The following KCNAB1 variants were observed in gnomAD, a reference collection of about 807,000 sequenced individuals.
KCNAB1 encodes the protein voltage-gated potassium channel subunit beta-1.
Under a neutral mutation model 64.6 loss-of-function variants are expected in KCNAB1, and 35 were observed. That is an observed-to-expected ratio of 0.54 (90% CI 0.41 to 0.72). The LOEUF is 0.72. KCNAB1 is among the 30% of genes least tolerant of loss of function. The pLI is 0.00. For missense variants in KCNAB1, 401 were observed against 512.9 expected, an observed-to-expected ratio of 0.78 and a Z score of 2.11; for synonymous variants, 177 against 183.8, an observed-to-expected ratio of 0.96 and a Z score of 0.30.
intron 1 of KCNAB1, among the ~76,000 whole-genome samples, chr3:156,210,145 G>A (rs1160717278): frequency 1.3e-5 from 2 of 152,246 alleles, no homozygotes; most frequent in East Asian, 1.9e-4. Context: ...TGAGACTGTC[G>A]GTGAGCTGAG....
At chr3:156,385,874 G>A (rs888932580) in intron 1 of KCNAB1, among the ~76,000 whole-genome samples, 1 of 152,106 alleles carries the variant, frequency 6.6e-6, no homozygotes, top group African/African-American at 2.4e-5. Flanking sequence ...TTTTTTTAAT[G>A]TAGTTTTTCT....
chr3:156,382,875 C>T (rs750952945), intron 1 of KCNAB1, among the ~76,000 whole-genome samples: 14 of 152,224 alleles, frequency 9.2e-5, no homozygotes, highest in Non-Finnish European at 1.8e-4. Flanking sequence ...TTACATGTCG[C>T]TGAGGTGTGG....
Position 156,457,527 on chromosome 3 carries a change from T to C in KCNAB1, c.432T>C (p.Ala144=). The part of the protein sequence containing the change: ...NLFDTAEVYA[A]GKAEVILGSI... ...TTGATACTGCCGAAGTCTATGCTGC[T>C]GGAAAGTAAGTCAGTACCTGTTTGT... is the stretch of plus-strand genomic sequence containing the variant. Residue 144 remains alanine (A), a synonymous_variant, in exon 4 of 14, where the codon GCT becomes GCC. Transcript: ENST00000490337. The C allele has an allele frequency of 6.2e-7, 1 of 1,613,610 alleles. No individual in the cohort carries two copies. The highest frequency in any genetic ancestry group is 1.3e-5 in the African/African-American group (1 of 75,036).
At chr3:156,475,647 T>G (rs1404748011) in intron 8 of KCNAB1, among the ~76,000 whole-genome samples, 1 of 152,182 alleles carries the variant, frequency 6.6e-6, no homozygotes. Context: ...TTTAAAATAA[T>G]TAGAATAGTT....
At chr3:156,297,855 G>A (rs1357112368) in intron 1 of KCNAB1, among the ~76,000 whole-genome samples, 1 of 152,030 alleles carries the variant, frequency 6.6e-6, no homozygotes, top group Non-Finnish European at 1.5e-5. Flanking sequence ...GGCTGAAGAG[G>A]AGGAAAAGGA....
chr3:156,477,303 A>T (rs1714438542), intron 8 of KCNAB1, among the ~76,000 whole-genome samples: 1 of 152,192 alleles, frequency 6.6e-6, no homozygotes, highest in Non-Finnish European at 1.5e-5. Context: ...ATACAATTCC[A>T]CAAAGCGGAA....
At chr3:156,266,426 A>G (rs1341558337) in intron 1 of KCNAB1, among the ~76,000 whole-genome samples, 2 of 152,226 alleles carry the variant, frequency 1.3e-5, no homozygotes, top group African/African-American at 4.8e-5. Context: ...AGGTTGGTTT[A>G]AATCCCTTTT....
At chr3:156,450,736 T>C (rs967280634) in intron 2 of KCNAB1, among the ~76,000 whole-genome samples, 6 of 152,240 alleles carry the variant, frequency 3.9e-5, no homozygotes, top group African/African-American at 1.4e-4. Flanking sequence ...ATTTCTTCAG[T>C]CCATTAAATT....
chr3:156,516,894 C>T (rs973889377), intron 11 of KCNAB1, among the ~76,000 whole-genome samples: 1 of 152,150 alleles, frequency 6.6e-6, no homozygotes, highest in Non-Finnish European at 1.5e-5. Context: ...AGCAAAGCTT[C>T]TATCACTTAA....
At chr3:156,237,611 C>T (rs1302999889) in intron 1 of KCNAB1, among the ~76,000 whole-genome samples, 1 of 152,112 alleles carries the variant, frequency 6.6e-6, no homozygotes, top group Non-Finnish European at 1.5e-5. Context: ...TCTACTGTGT[C>T]TATTTTCTCT....
intron 1 of KCNAB1, among the ~76,000 whole-genome samples, chr3:156,125,717 T>C (rs1713615458): frequency 6.6e-6 from 1 of 152,198 alleles, no homozygotes; most frequent in African/African-American, 2.4e-5. Context: ...CAAGAAAGTG[T>C]TTACTCACAC....
intron 1 of KCNAB1, among the ~76,000 whole-genome samples, chr3:156,414,971 G>A (rs1275076661): frequency 1.3e-5 from 2 of 152,188 alleles, no homozygotes; most frequent in Non-Finnish European, 2.9e-5. Flanking sequence ...TCTCCAAAGT[G>A]CCACCTTCTT....
intron 1 of KCNAB1, among the ~76,000 whole-genome samples, chr3:156,374,045 A>G (rs763354255): frequency 4.3e-4 from 66 of 152,326 alleles, no homozygotes; most frequent in African/African-American, 1.5e-3. Context: ...CAATCTCTCT[A>G]TACCTCAGTT....
chr3:156,451,956 T>C (rs1262098885), intron 2 of KCNAB1, among the ~76,000 whole-genome samples: 2 of 152,208 alleles, frequency 1.3e-5, no homozygotes, highest in African/African-American at 4.8e-5. Context: ...ATCTGCCTTA[T>C]GTTCACCTCA....
intron 1 of KCNAB1, among the ~76,000 whole-genome samples, chr3:156,187,136 G>A (rs1283962258): frequency 6.6e-6 from 1 of 152,144 alleles, no homozygotes; most frequent in East Asian, 1.9e-4. Context: ...TTACATGCAT[G>A]AGCCACCGTG....
rs547491009 is a variant in KCNAB1, at chr3:156,296,566, T to C, written c.276-125050T>C. On this transcript the variant is annotated intron_variant, in intron 1 of 13. Transcript: ENST00000490337. ...TCAGCTCACTGCAAGGTCCGCCTCC[T>C]GGGTTCATGCCATTCTCCTGCCTCA... 4.0e-3 allele frequency among the ~76,000 whole-genome samples: 581 copies of C among 145,678 alleles called. 1 individual carries two copies. Among genetic ancestry groups the C allele is most frequent in the Non-Finnish European group, 6.6e-3 (437 of 66,586 alleles).
intron 1 of KCNAB1, among the ~76,000 whole-genome samples, chr3:156,138,556 T>C (rs1714507050): frequency 6.6e-6 from 1 of 152,232 alleles, no homozygotes; most frequent in Non-Finnish European, 1.5e-5. Flanking sequence ...AACTAGGCTA[T>C]AAAGGTGTTT....
At chr3:156,435,492 TAGTC>T (rs1308804882) in intron 2 of KCNAB1, among the ~76,000 whole-genome samples, 2 of 152,168 alleles carry the variant, frequency 1.3e-5, no homozygotes, top group African/African-American at 4.8e-5. Flanking sequence ...AGCAGCCAGA[TAGTC>T]AGATTTATAA....
intron 1 of KCNAB1, among the ~76,000 whole-genome samples, chr3:156,229,002 C>A (rs939828281): frequency 1.3e-5 from 2 of 152,054 alleles, no homozygotes; most frequent in African/African-American, 4.8e-5. Flanking sequence ...CTAGACATAC[C>A]CCAGAGGCAT....
Sources: gnomAD v4.1 joint callset for allele counts (sites outside exome capture counted in the v4.1 genomes callset) on GRCh38, gnomAD v4.1.1 for gene constraint, MANE v1.5 for transcripts, NCBI Gene and HGNC (gene_info 2026-07-23, HGNC 2026-07-21) for gene names.